Variants in TP53TG5 observed in about 807,000 individuals in gnomAD.
TP53TG5 encodes the protein TP53 target 5.
A neutral mutation model predicts 30.0 loss-of-function variants in TP53TG5; 17 were observed. The observed-to-expected ratio is 0.57, with a 90% CI of 0.39 to 0.85. TP53TG5 has a LOEUF of 0.85. Ranked by LOEUF, TP53TG5 falls within the 40% of genes least tolerant of loss-of-function variation. The pLI is 0.00. For missense variants in TP53TG5, 338 were observed against 367.9 expected (o/e 0.92, Z 0.67); for synonymous variants, 137 against 139.2 (o/e 0.98, Z 0.11).
In TP53TG5 at chr20:45,374,562, A is replaced by G. The variant is rs185163190; in HGVS notation, c.768+477T>C. On this transcript the variant is annotated intron_variant, in intron 4 of 4. Transcript: ENST00000372726. Reference sequence around the variant, plus strand: ...GCTGGGATTACAGGCGTGAGCCACCATGCCTAGCCTGTTCAGAGTAAATCT... The same window carrying G: ...GCTGGGATTACAGGCGTGAGCCACCGTGCCTAGCCTGTTCAGAGTAAATCT... 234 of 495,544 alleles carry G rather than the reference A, an allele frequency of 4.7e-4. 1 individual carries two copies. The highest frequency in any genetic ancestry group is 4.2e-3 in the African/African-American group (215 of 51,328). The allele number at this position is 495,544 out of a possible 1,614,324, so 30.7% of individuals were successfully genotyped here.
At chr20:45,374,074 G>A (rs1446241737) in intron 4 of TP53TG5, 63 bp from the exon 5 acceptor site, 3 of 1,529,270 alleles carry the variant, frequency 2.0e-6, no homozygotes, top group Non-Finnish European at 1.8e-6. Context: ...GGTCGTTTGG[G>A]GAGCGGGCGC....
At chr20:45,377,471 GCAAC>G (rs1988766472) in intron 2 of TP53TG5, 64 bp downstream of exon 2, 1 of 1,608,848 alleles carries the variant, frequency 6.2e-7, no homozygotes, top group East Asian at 2.2e-5. Context: ...ACTCAGCCTG[GCAAC>G]CAGGGGCAGT....
At chr20:45,376,096 T>G (rs1988724137) in intron 3 of TP53TG5, 1 of 152,380 alleles carries the variant, frequency 6.6e-6, no homozygotes, top group Admixed American at 6.5e-5. Context: ...AAAAAAAAAT[T>G]TTTAAGTTGG....
rs1600759240 is a variant in TP53TG5, at chr20:45,377,580, G to T, written c.82C>A (p.Gln28Lys). 6 of 1,614,126 alleles carry T rather than the reference G, an allele frequency of 3.7e-6. No homozygotes were observed. The East Asian group carries it at 1.1e-4, about 30-fold the overall frequency. Residue 28 changes from glutamine (Q) to lysine (K), a missense_variant, in exon 2 of 5, where the codon CAG becomes AAG. Physicochemically the swap from Gln to Lys is moderately conservative, Grantham distance 53. Coordinates refer to ENST00000372726, the MANE Select transcript of TP53TG5 (RefSeq NM_014477.3). Reference protein sequence around the residue: ...QDEKLRDETEQPVSKVIERNR... With the variant: ...QDEKLRDETEKPVSKVIERNR... ...CGCTCAATTACTTTGCTCACAGGCT[G>T]CTCTGTCTCGTCCCGCAGTTTCTCA...
intron 3 of TP53TG5, chr20:45,375,812 C>G (rs1303674555): frequency 4.2e-6 from 2 of 471,658 alleles, no homozygotes; most frequent in Non-Finnish European, 7.5e-6. Flanking sequence ...CATCATCTGC[C>G]ACTAGATTAG....
At position 45,375,060 on chromosome 20, in the gene TP53TG5, C is replaced by T. The variant is rs374933412; in HGVS notation, c.747G>A (p.Met249Ile). Reference protein sequence around the residue: ...CTRFCSASLEMPMWHPYKVDV... With the variant: ...CTRFCSASLEIPMWHPYKVDV... ...CCACCTTGTATGGATGCCACATAGG[C>T]ATTTCAAGTGATGCGGAGCAGAAGC... The change falls in exon 4 of 5, where the codon ATG becomes ATA. Residue 249 changes from methionine (M) to isoleucine (I), a missense_variant. Physicochemically the swap from Met to Ile is conservative, Grantham distance 10. Transcript: ENST00000372726. 9 of 1,613,774 alleles carry T rather than the reference C, an allele frequency of 5.6e-6. No homozygotes were observed. The highest frequency in any genetic ancestry group is 6.8e-6 in the Non-Finnish European group (8 of 1,179,884).
rs777907094 is a variant in TP53TG5, at chr20:45,375,282, C to A, written c.525G>T (p.Arg175Ser). Residue 175 changes from arginine to serine, a missense_variant, in exon 4 of 5, where the codon AGG becomes AGT. By Grantham distance (110) the Arg-to-Ser change is moderately radical. Coordinates refer to ENST00000372726, the MANE Select transcript of TP53TG5 (RefSeq NM_014477.3). Reference sequence around the variant, plus strand: ...CTCGGGGGCCCTCGGTGAGTGGTTGCCTCCCCTGGACTCCAGGGTTCAAGC... The same window carrying A: ...CTCGGGGGCCCTCGGTGAGTGGTTGACTCCCCTGGACTCCAGGGTTCAAGC... ...DDSLNPGVQG[R>S]QPLTEGPRVI... The A allele has an allele frequency of 6.8e-6, 11 of 1,614,026 alleles. No homozygotes were observed. The Admixed American group carries it at 1.5e-4, about 22-fold the overall frequency.
rs1471269040 is a variant in TP53TG5 at position 45,375,632 on chromosome 20, G to C, written c.255-80C>G. On this transcript the variant is annotated intron_variant, in intron 3 of 4. Transcript: ENST00000372726. ...AGACAGTTGCTATGTAGCCAGCTCA[G>C]GGGAGCCTGTTAAGAAAGGCTAGAG... 5 of 1,511,514 alleles carry C rather than the reference G, an allele frequency of 3.3e-6. No individual in the cohort carries two copies. The African/African-American group carries it at 4.2e-5, about 13-fold the overall frequency. 93.6% of individuals were successfully genotyped at this position (1,511,514 alleles called of 1,614,324 possible).
intron 4 of TP53TG5, 177 bp from the exon 5 acceptor site, chr20:45,374,188 C>A: frequency 3.0e-6 from 2 of 672,104 alleles, no homozygotes; most frequent in South Asian, 3.3e-5. Context: ...CCCTTCCTTT[C>A]GTGGGACTTT....
Position 45,375,124 on chromosome 20 carries a change from C to G in TP53TG5, c.683G>C (p.Arg228Thr). The G allele has an allele frequency of 6.2e-7, 1 of 1,614,112 alleles. No individual in the cohort carries two copies. The highest frequency in any genetic ancestry group is 8.5e-7 in the Non-Finnish European group (1 of 1,180,038). ...IHLPAPRVMC[R>T]SSTLRWVKRR... ...CTTGACCCAACGCAGGGTGGAGGAT[C>G]TGCACATCACCCTGGGCGCCGGGAG... Residue 228 changes from arginine (R) to threonine (T), a missense_variant, in exon 4 of 5, where the codon AGA (arginine) becomes ACA (threonine). Physicochemically the swap from Arg to Thr is moderately conservative, Grantham distance 71. Coordinates refer to ENST00000372726, the MANE Select transcript of TP53TG5 (RefSeq NM_014477.3).
rs1364895792 is a variant in TP53TG5, at chr20:45,373,955, A to T, written c.825T>A (p.His275Gln). The stretch of plus-strand genomic sequence containing the variant: ...GCCACCCATTCCTCCCCTTCAGCTG[A>T]TGGCGCGATCTCCACCCTCTGCTCG... ...RGASRGWRSR[H>Q]QLKGRNGWRN... The change falls in exon 5 of 5, where the codon CAT becomes CAA. Residue 275 changes from histidine (H) to glutamine (Q), a missense_variant. Transcript: ENST00000372726. The T allele has an allele frequency of 1.2e-6, 2 of 1,613,380 alleles. No homozygotes were observed. The highest frequency in any genetic ancestry group is 1.3e-5 in the African/African-American group (1 of 74,664).
chr20:45,373,337 C>T lies in TP53TG5; in HGVS notation c.*570G>A, dbSNP rs7273489. 4,633 of 162,876 alleles carry T rather than the reference C, an allele frequency of 0.028. 234 individuals carry two copies. The highest frequency in any genetic ancestry group is 0.1 in the African/African-American group (4,328 of 41,846). The allele number at this position is 162,876 out of a possible 1,614,324, so 10.1% of individuals were successfully genotyped here. On this transcript the variant is annotated 3_prime_UTR_variant, in exon 5 of 5. Transcript: ENST00000372726. ...TGTGATCTGTGACCAAGGCAGGACA[C>T]ATTTGGAGGCCCAGCTGACATCCAC...
intron 3 of TP53TG5, chr20:45,376,942 T>G: frequency 2.6e-6 from 1 of 380,160 alleles, no homozygotes; most frequent in Non-Finnish European, 4.8e-6. Flanking sequence ...CACAACTGGA[T>G]GATTACAACC....
chr20:45,373,937 A>G lies in TP53TG5; in HGVS notation c.843T>C (p.Asn281=). Residue 281 remains asparagine (N), a synonymous_variant, in exon 5 of 5, where the codon AAT becomes AAC. Transcript: ENST00000372726. ...TGTAGACTCGTGAATTTCGCCACCC[A>G]TTCCTCCCCTTCAGCTGATGGCGCG... ...WRSRHQLKGR[N]GWRNSRVYK is the part of the protein sequence containing the mutation. 5.0e-6 allele frequency: 8 copies of G among 1,613,060 alleles called. No individual in the cohort carries two copies. Among genetic ancestry groups the G allele is most frequent in the Non-Finnish European group, 6.8e-6 (8 of 1,179,724 alleles).
Position 45,372,730 on chromosome 20 carries a change from G to A in TP53TG5, c.*1177C>T, listed in dbSNP as rs1449024976. ...GAATTTGCACGGGAATTAGCGGGGT[G>A]GTGGGGGCGGAGGTAGGCACCGACC... is the stretch of plus-strand genomic sequence containing the variant. On this transcript the variant is annotated 3_prime_UTR_variant, in exon 5 of 5. Transcript: ENST00000372726. The A allele has an allele frequency of 6.6e-6, 1 of 152,268 alleles. No individual in the cohort carries two copies. The highest frequency in any genetic ancestry group is 2.4e-5 in the African/African-American group (1 of 41,442). 9.4% of individuals were successfully genotyped at this position (152,268 alleles called of 1,614,324 possible).
Position 45,373,980 on chromosome 20 carries a change from G to T in TP53TG5, c.800C>A (p.Ala267Glu), listed in dbSNP as rs780636844. 4 of 1,613,938 alleles carry T rather than the reference G, an allele frequency of 2.5e-6. No individual in the cohort carries two copies. Among genetic ancestry groups the T allele is most frequent in the Middle Eastern group, 1.6e-4 (1 of 6,062 alleles). Reference sequence around the variant, plus strand: ...ATGGCGCGATCTCCACCCTCTGCTCGCACCTCTGGCTCTCGTCCAGGTCAC... The same window carrying T: ...ATGGCGCGATCTCCACCCTCTGCTCTCACCTCTGGCTCTCGTCCAGGTCAC... The part of the protein sequence containing the change: ...VDVTWTRARG[A>E]SRGWRSRHQL... Residue 267 changes from alanine to glutamate, a missense_variant, in exon 5 of 5, where the codon GCG becomes GAG. By Grantham distance (107) the Ala-to-Glu change is moderately radical (BLOSUM62 -1). Transcript: ENST00000372726.
In TP53TG5 at chr20:45,372,622, A is replaced by G. The variant is rs537235718; in HGVS notation, c.*1285T>C. 6.6e-6 allele frequency: 1 copy of G among 152,420 alleles called. No homozygotes were observed. The highest frequency in any genetic ancestry group is 2.1e-4 in the South Asian group (1 of 4,826). The allele number at this position is 152,420 out of a possible 1,614,324, so 9.4% of individuals were successfully genotyped here. A position where few individuals can be genotyped will look rare whatever the true frequency, so the allele number is the denominator to read the frequency against. The stretch of plus-strand genomic sequence containing the variant: ...TTGATGGGATTGAAAATACCCAGCA[A>G]GGGAACTGCAAGGGAGACTGTTCAG... On this transcript the variant is annotated 3_prime_UTR_variant, in exon 5 of 5. Transcript: ENST00000372726.
Position 45,372,706 on chromosome 20 carries a change from A to T in TP53TG5, c.*1201T>A, listed in dbSNP as rs933820063. ...CCGCTGAAAGTGGTTACTGGGGTGG[A>T]ATTTGCACGGGAATTAGCGGGGTGG... On this transcript the variant is annotated 3_prime_UTR_variant, in exon 5 of 5. Transcript: ENST00000372726. 2 of 152,148 alleles carry T rather than the reference A, an allele frequency of 1.3e-5. No homozygotes were observed. The highest frequency in any genetic ancestry group is 2.9e-5 in the Non-Finnish European group (2 of 68,058). 9.4% of individuals were successfully genotyped at this position (152,148 alleles called of 1,614,324 possible). A position where few individuals can be genotyped will look rare whatever the true frequency, so the allele number is the denominator to read the frequency against.
rs1988636941 is a variant in TP53TG5 at position 45,373,963 on chromosome 20, A to G, written c.817T>C (p.Ser273Pro). 1 of 1,613,950 alleles carries G rather than the reference A, an allele frequency of 6.2e-7. No homozygotes were observed. Among genetic ancestry groups the G allele is most frequent in the Non-Finnish European group, 8.5e-7 (1 of 1,179,994 alleles). ...RARGASRGWRSRHQLKGRNGW... is the reference protein window; with the variant it reads ...RARGASRGWRPRHQLKGRNGW... ...TTCCTCCCCTTCAGCTGATGGCGCG[A>G]TCTCCACCCTCTGCTCGCACCTCTG... The change falls in exon 5 of 5, where the codon TCG (serine) becomes CCG (proline). Residue 273 changes from serine (S) to proline (P), a missense_variant. By Grantham distance (74) the Ser-to-Pro change is moderately conservative. Transcript: ENST00000372726.
Sources: allele counts gnomAD v4.1 joint callset, GRCh38; gene constraint gnomAD v4.1.1; transcripts MANE v1.5; gene names NCBI Gene and HGNC (gene_info 2026-07-23, HGNC 2026-07-21).